Variants in USH2A observed in about 807,000 individuals in gnomAD.
The protein encoded by USH2A is Usher syndrome 2A (autosomal recessive, mild).
USH2A carries 443 observed loss-of-function variants against 538.9 expected under a neutral mutation model. The ratio of observed to expected loss-of-function variants is 0.82; its 90% CI spans 0.76 to 0.89. The LOEUF (loss-of-function observed/expected upper bound fraction) is 0.89. Ranked by LOEUF, USH2A falls within the 40% of genes least tolerant of loss-of-function variation. The pLI, the probability that USH2A is intolerant of heterozygous loss-of-function variation, is 0.00. For missense variants in USH2A, 6,633 were observed against 6,324.8 expected, an observed-to-expected ratio of 1.05 and a Z score of -1.65; for synonymous variants, 2,413 against 2,273.5, an observed-to-expected ratio of 1.06 and a Z score of -1.75.
intron 38 of USH2A, among the ~76,000 whole-genome samples, chr1:215,919,436 T>C (rs931192249): frequency 6.6e-6 from 1 of 152,062 alleles, no homozygotes; most frequent in Non-Finnish European, 1.5e-5. Flanking sequence ...CAGACTCTGA[T>C]TGTATAACTT....
intron 39 of USH2A, 74 bp from the exon 40 acceptor site, chr1:215,900,291 CA>C (rs1294953009): frequency 1.3e-6 from 2 of 1,535,022 alleles, no homozygotes; most frequent in African/African-American, 1.4e-5. Flanking sequence ...TTTCTTACTA[CA>C]AAAAAATTTT....
chr1:215,836,493 TA>T (rs1558119936), intron 47 of USH2A, among the ~76,000 whole-genome samples: 326 of 18,182 alleles, frequency 0.018, 17 homozygotes, highest in African/African-American at 0.042. Context: ...ATATATTATA[TA>T]TATAATATAT....
At chr1:216,347,363 T>C (rs2102686226) in intron 4 of USH2A, among the ~76,000 whole-genome samples, 2 of 152,250 alleles carry the variant, frequency 1.3e-5, no homozygotes, top group Admixed American at 1.3e-4. Flanking sequence ...TGACTTATGA[T>C]GACCTGGAAT....
intron 50 of USH2A, among the ~76,000 whole-genome samples, chr1:215,791,910 T>C (rs1661994709): frequency 6.6e-6 from 1 of 152,124 alleles, no homozygotes; most frequent in African/African-American, 2.4e-5. Flanking sequence ...ACACATAAAC[T>C]AAAAAGAAAA....
intron 21 of USH2A, among the ~76,000 whole-genome samples, chr1:216,153,181 T>C (rs115903252): frequency 7.1e-4 from 108 of 152,302 alleles, no homozygotes; most frequent in African/African-American, 2.4e-3. Flanking sequence ...CTGATTCTTC[T>C]TGGACACCGG....
rs12097048 is a variant in USH2A, at chr1:216,106,161, T to C, written c.4628-8948A>G. Reference sequence around the variant, plus strand: ...ATCAAAACATGCACTATTTCACTTTTATATATTTATATATATAAATATATA... The same window carrying C: ...ATCAAAACATGCACTATTTCACTTTCATATATTTATATATATAAATATATA... On this transcript the variant is annotated intron_variant, in intron 21 of 71. Transcript: ENST00000307340. 6.1e-3 allele frequency among the ~76,000 whole-genome samples: 896 copies of C among 147,640 alleles called. 11 individuals are homozygous for C. Among genetic ancestry groups the C allele is most frequent in the African/African-American group, 0.021 (855 of 40,792 alleles).
intron 11 of USH2A, among the ~76,000 whole-genome samples, chr1:216,285,738 C>T (rs1025938023): frequency 7.7e-4 from 118 of 152,328 alleles, no homozygotes; most frequent in African/African-American, 2.6e-3. Flanking sequence ...CCACAGGGGC[C>T]GAGCTGCCCA....
intron 32 of USH2A, among the ~76,000 whole-genome samples, chr1:216,013,267 C>A (rs1668621512): frequency 6.7e-6 from 1 of 148,390 alleles, no homozygotes; most frequent in African/African-American, 2.5e-5. Context: ...CACAATATCA[C>A]CCCTTACCAC....
intron 61 of USH2A, among the ~76,000 whole-genome samples, chr1:215,686,733 C>T (rs555340343): frequency 5.3e-5 from 8 of 151,926 alleles, no homozygotes; most frequent in Admixed American, 2.6e-4. Flanking sequence ...ATAAATCTGC[C>T]AGGAATTAAT....
chr1:215,879,045 A>G lies in USH2A; in HGVS notation c.8277T>C (p.Ile2759=). The change falls in exon 42 of 72, where the codon ATT becomes ATC. Residue 2759 remains isoleucine, a synonymous_variant. Transcript: ENST00000307340. ...IQNGDILSYE[I]HMPDPHITLT... Reference sequence around the variant, plus strand: ...AAGTGATGTGAGGGTCAGGCATGTGAATCTCATAGCTAAGTATGTCTCCGT... The same window carrying G: ...AAGTGATGTGAGGGTCAGGCATGTGGATCTCATAGCTAAGTATGTCTCCGT... The G allele has an allele frequency of 6.2e-7, 1 of 1,614,080 alleles. No individual in the cohort carries two copies. Among genetic ancestry groups the G allele is most frequent in the Non-Finnish European group, 8.5e-7 (1 of 1,179,972 alleles).
At chr1:216,297,185 G>A (rs751376325) in intron 9 of USH2A, among the ~76,000 whole-genome samples, 4 of 151,844 alleles carry the variant, frequency 2.6e-5, no homozygotes, top group Admixed American at 6.6e-5. Context: ...CATAATATGA[G>A]AGTAATAATA....
At chr1:215,876,047 G>A (rs546262499) in intron 43 of USH2A, among the ~76,000 whole-genome samples, 14 of 151,536 alleles carry the variant, frequency 9.2e-5, no homozygotes, top group African/African-American at 2.7e-4. Context: ...GAGGTCAAGG[G>A]CTAAGATGTA....
At chr1:216,250,830 T>A in intron 12 of USH2A, 73 bp downstream of exon 12, 1 of 1,536,914 alleles carries the variant, frequency 6.5e-7, no homozygotes, top group Admixed American at 1.9e-5. Flanking sequence ...ACTCTTCAGT[T>A]AAGAAATCAA....
chr1:215,668,218 T>C (rs1242650895), intron 64 of USH2A, among the ~76,000 whole-genome samples: 1 of 152,184 alleles, frequency 6.6e-6, no homozygotes, highest in Admixed American at 6.5e-5. Context: ...TTGAGAGCAA[T>C]GCAAATTCAT....
At chr1:215,794,413 G>A (rs949987630) in intron 50 of USH2A, among the ~76,000 whole-genome samples, 9 of 152,176 alleles carry the variant, frequency 5.9e-5, no homozygotes, top group Non-Finnish European at 1.3e-4. Flanking sequence ...CCAGGCTTAG[G>A]AACGATATTA....
chr1:216,272,242 T>C (rs1020671079), intron 11 of USH2A, among the ~76,000 whole-genome samples: 6 of 152,148 alleles, frequency 3.9e-5, no homozygotes, highest in Admixed American at 3.9e-4. Context: ...GTTCATTTCA[T>C]TCAGGACATC....
intron 12 of USH2A, among the ~76,000 whole-genome samples, 186 bp downstream of exon 12, chr1:216,250,717 C>T (rs1477830709): frequency 2.0e-5 from 3 of 152,140 alleles, no homozygotes; most frequent in Non-Finnish European, 2.9e-5. Flanking sequence ...AACTAAGCTT[C>T]AAGCTGCAGT....
At chr1:215,778,793 T>A (rs975391774) in intron 55 of USH2A, among the ~76,000 whole-genome samples, 5 of 152,220 alleles carry the variant, frequency 3.3e-5, no homozygotes, top group Admixed American at 6.5e-5. Context: ...CAGGGTTGTT[T>A]GGGATGATTC....
intron 20 of USH2A, among the ~76,000 whole-genome samples, chr1:216,187,085 G>A (rs900284010): frequency 2.0e-5 from 3 of 151,936 alleles, no homozygotes; most frequent in African/African-American, 7.2e-5. Flanking sequence ...CATTGTATGT[G>A]CTCAGTAAAT....
Sources: allele counts gnomAD v4.1 joint callset (sites outside exome capture counted in the v4.1 genomes callset), GRCh38; gene constraint gnomAD v4.1.1; transcripts MANE v1.5; gene names NCBI Gene and HGNC (gene_info 2026-07-23, HGNC 2026-07-21).